The following TERT variants were observed in gnomAD, a reference collection of about 807,000 sequenced individuals.
TERT encodes telomerase catalytic subunit.
Under a neutral mutation model 104.0 loss-of-function variants are expected in TERT, and 42 were observed. The ratio of observed to expected loss-of-function variants is 0.40; its 90% CI spans 0.32 to 0.52. TERT has a LOEUF of 0.52. Ranked by LOEUF, TERT falls within the 20% of genes least tolerant of loss-of-function variation. The probability of loss-of-function intolerance (pLI) is 0.43; values close to 1 mark genes in which losing one functional copy is unlikely to be tolerated. For synonymous variants in TERT, 781 were observed against 725.6 expected, an observed-to-expected ratio of 1.08 and a Z score of -1.23; for missense variants, 1,101 against 1,610.3, an observed-to-expected ratio of 0.68 and a Z score of 5.41.
In TERT at chr5:1,288,017, C is replaced by T. The variant is rs1750600232; in HGVS notation, c.1573+5296G>A. ...TAAAATGATAACTTAAAATACTCTACGTATCTTGATACTCTACATATCTTG... is the reference window on the plus strand; with the variant it reads ...TAAAATGATAACTTAAAATACTCTATGTATCTTGATACTCTACATATCTTG... On this transcript the variant is annotated intron_variant, in intron 2 of 15. Transcript: ENST00000310581. The surrounding 1 kb of genome is among the most constrained non-coding windows in gnomAD (Gnocchi z 5.3). Among the ~76,000 whole-genome samples, 1 of 152,226 alleles carries T rather than the reference C, an allele frequency of 6.6e-6. No homozygotes were observed. Among genetic ancestry groups the T allele is most frequent in the Non-Finnish European group, 1.5e-5 (1 of 68,022 alleles).
chr5:1,255,209 C>T lies in TERT; in HGVS notation c.3157+78G>A. ...AAAAGGGGTAAGAACTTCCTAAGCC[C>T]AGATTCACTCAGTCTCCTGACACAC... On this transcript the variant is annotated intron_variant, in intron 14 of 15. Transcript: ENST00000310581. This position sits in a 1 kb window ranked among gnomAD's most constrained non-coding sequence, Gnocchi z 6.9. The T allele has an allele frequency of 6.4e-7, 1 of 1,574,076 alleles. No individual in the cohort carries two copies. The highest frequency in any genetic ancestry group is 8.7e-7 in the Non-Finnish European group (1 of 1,155,884).
rs1749789535 is a variant in TERT, at chr5:1,278,716, G to A, written c.2211C>T (p.Asn737=). 4 of 1,614,178 alleles carry A rather than the reference G, an allele frequency of 2.5e-6. No individual in the cohort carries two copies. In the African/African-American group the frequency reaches 4.0e-5, roughly 16 times the overall value. ...CGGCATACCGACGCACGCAGTACGT[G>A]TTCTGGGGTTTGATGATGCTGGCGA... ...EVIASIIKPQ[N]TYCVRRYAVV... is the part of the protein sequence containing the mutation. The change falls in exon 6 of 16, where the codon AAC becomes AAT. Residue 737 remains asparagine, a synonymous_variant. Transcript: ENST00000310581.
chr5:1,260,399 C>G, intron 12 of TERT, 75 bp downstream of exon 12: 1 of 1,604,534 alleles, frequency 6.2e-7, no homozygotes, highest in South Asian at 1.1e-5. Context: ...CAGGCACGCG[C>G]GCACACACAC....
Position 1,287,703 on chromosome 5 carries a change from C to G in TERT, c.1574-5079G>C, listed in dbSNP as rs1275677375. Among the ~76,000 whole-genome samples, 2 of 151,934 alleles carry G rather than the reference C, an allele frequency of 1.3e-5. No individual in the cohort carries two copies. Among genetic ancestry groups the G allele is most frequent in the African/African-American group, 4.8e-5 (2 of 41,344 alleles). On this transcript the variant is annotated intron_variant, in intron 2 of 15. Transcript: ENST00000310581. This position sits in a 1 kb window ranked among gnomAD's most constrained non-coding sequence, Gnocchi z 4.3. ...TACCACGTGCATGCACCTAACAATG[C>G]CTCACATAAATGCTACCAAACGAGA... is the stretch of plus-strand genomic sequence containing the variant.
rs1750578029 is a variant in TERT at position 1,287,637 on chromosome 5, G to T, written c.1574-5013C>A. On this transcript the variant is annotated intron_variant, in intron 2 of 15. Coordinates refer to ENST00000310581, the MANE Select transcript of TERT (RefSeq NM_198253.3). This position sits in a 1 kb window ranked among gnomAD's most constrained non-coding sequence, Gnocchi z 4.3. ...GAATTACTAGATTACTAGAGACATAGAAGTCTCCAAAAGATTCACTCATCA... is the reference window on the plus strand; with the variant it reads ...GAATTACTAGATTACTAGAGACATATAAGTCTCCAAAAGATTCACTCATCA... Among the ~76,000 whole-genome samples the T allele has an allele frequency of 6.6e-6, 1 of 151,756 alleles. No individual in the cohort carries two copies. The highest frequency in any genetic ancestry group is 2.1e-4 in the South Asian group (1 of 4,796).
rs913797785 is a variant in TERT, at chr5:1,293,957, G to A, written c.929C>T (p.Thr310Ile). ...GTCCCAGGGACGTGGTGGCCGCGAT[G>A]TGGATGGGGGGCCCGCGTGGTGCTG... ...GRQHHAGPPS[T>I]SRPPRPWDTP... The change falls in exon 2 of 16, where the codon ACA (threonine) becomes ATA (isoleucine). Residue 310 changes from threonine to isoleucine, a missense_variant. By Grantham distance (89) the Thr-to-Ile change is moderately conservative. This residue lies in a region of TERT where 504 missense variants were observed against 544.6 expected (regional missense o/e 0.93). Transcript: ENST00000310581. 2.6e-6 allele frequency: 4 copies of A among 1,553,524 alleles called. No individual in the cohort carries two copies. The South Asian group carries it at 4.7e-5, about 18-fold the overall frequency.
Position 1,258,641 on chromosome 5 carries a change from C to A in TERT, c.2989G>T (p.Val997Leu). ...AGGATCTTGTAGATGTTGGTGCACA[C>A]CGTCTGGAGGCTGTTCACCTAGAGT... Reference protein sequence around the residue: ...LDLQVNSLQTVCTNIYKILLL... With the variant: ...LDLQVNSLQTLCTNIYKILLL... The change falls in exon 13 of 16, where the codon GTG (valine) becomes TTG (leucine). Residue 997 changes from valine (V) to leucine (L), a missense_variant. This residue lies in a region of TERT where 463 missense variants were observed against 797.5 expected (regional missense o/e 0.58). Coordinates refer to ENST00000310581, the MANE Select transcript of TERT (RefSeq NM_198253.3). 6.4e-7 allele frequency: 1 copy of A among 1,570,992 alleles called. No homozygotes were observed. The highest frequency in any genetic ancestry group is 2.3e-5 in the East Asian group (1 of 42,940).
At position 1,294,952 on chromosome 5, in the gene TERT, A is replaced by AGGGAGCGCACGGCTCGGCAGCG; in HGVS notation, c.16_37dup (p.Leu13ProfsTer186). On this transcript the variant is annotated frameshift_variant, in exon 1 of 16. Coordinates refer to ENST00000310581, the MANE Select transcript of TERT (RefSeq NM_198253.3). LOFTEE classifies it high-confidence loss of function. Reference sequence around the variant, plus strand: ...CACCTCGCGGTAGTGGCTGCGCAGCAGGGAGCGCACGGCTCGGCAGCGGGG... The same window carrying AGGGAGCGCACGGCTCGGCAGCG: ...CACCTCGCGGTAGTGGCTGCGCAGCAGGGAGCGCACGGCTCGGCAGCGGGGAGCGCACGGCTCGGCAGCGGGG... 7.2e-7 allele frequency: 1 copy of AGGGAGCGCACGGCTCGGCAGCG among 1,390,276 alleles called. No homozygotes were observed. Among genetic ancestry groups the AGGGAGCGCACGGCTCGGCAGCG allele is most frequent in the Non-Finnish European group, 9.3e-7 (1 of 1,077,900 alleles). The allele number at this position is 1,390,276 out of a possible 1,614,324, so 86.1% of individuals were successfully genotyped here. A position where few individuals can be genotyped will look rare whatever the true frequency, so the allele number is the denominator to read the frequency against.
Position 1,264,496 on chromosome 5 carries a change from C to A in TERT, c.2751G>T (p.Thr917=), listed in dbSNP as rs375200599. The part of the protein sequence containing the change: ...FPVEDEALGG[T]AFVQMPAHGL... ...CGTGGGCCGGCATCTGAACAAAAGC[C>A]GTGCCACCCAGGGCCTCGTCTTCTA... The change falls in exon 11 of 16, where the codon ACG becomes ACT. Residue 917 remains threonine, a synonymous_variant. Transcript: ENST00000310581. 1 of 1,613,844 alleles carries A rather than the reference C, an allele frequency of 6.2e-7. No homozygotes were observed. Among genetic ancestry groups the A allele is most frequent in the Non-Finnish European group, 8.5e-7 (1 of 1,180,042 alleles).
intron 6 of TERT, among the ~76,000 whole-genome samples, chr5:1,276,997 G>C (rs1367327996): frequency 6.6e-6 from 1 of 152,208 alleles, no homozygotes; most frequent in African/African-American, 2.4e-5. Context: ...AACACACAAA[G>C]AGCTCCTGCA....
At chr5:1,293,201 T>C (rs757727480) in intron 2 of TERT, 112 bp downstream of exon 2, 12 of 1,342,676 alleles carry the variant, frequency 8.9e-6, no homozygotes, top group Non-Finnish European at 1.2e-5. Context: ...AAGCCACGTG[T>C]GCCCACGTGA....
intron 11 of TERT, chr5:1,264,182 C>G (rs1165450811): frequency 1.5e-5 from 9 of 590,916 alleles, no homozygotes; most frequent in Admixed American, 5.8e-5. Flanking sequence ...TTTCCTTTTA[C>G]CAAAATAGCA....
intron 5 of TERT, 84 bp from the exon 6 acceptor site, chr5:1,278,880 T>C (rs947777946): frequency 1.9e-6 from 3 of 1,576,830 alleles, no homozygotes; most frequent in Non-Finnish European, 2.6e-6. Flanking sequence ...GGCCTGGCGG[T>C]GTCCCCCACT....
intron 3 of TERT, among the ~76,000 whole-genome samples, chr5:1,281,678 C>A (rs1163923817): frequency 1.3e-5 from 2 of 152,214 alleles, no homozygotes; most frequent in African/African-American, 4.8e-5. Flanking sequence ...ACTCTCCTAT[C>A]CCCAGGTGCT....
In TERT at chr5:1,268,056, G is replaced by A. The variant is rs569961097; in HGVS notation, c.2582+464C>T. On this transcript the variant is annotated intron_variant, in intron 9 of 15. Coordinates refer to ENST00000310581, the MANE Select transcript of TERT (RefSeq NM_198253.3). This position sits in a 1 kb window ranked among gnomAD's most constrained non-coding sequence, Gnocchi z 5.5. Reference sequence around the variant, plus strand: ...CATTAGGTTGGCACGATATTTAGGTGTGTGCGTCCTTGGGTGTAGACCCCA... The same window carrying A: ...CATTAGGTTGGCACGATATTTAGGTATGTGCGTCCTTGGGTGTAGACCCCA... Among the ~76,000 whole-genome samples the A allele has an allele frequency of 1.8e-4, 28 of 152,226 alleles. No individual in the cohort carries two copies. The highest frequency in any genetic ancestry group is 3.4e-4 in the Non-Finnish European group (23 of 68,042).
chr5:1,283,640 C>T (rs72709458), intron 2 of TERT, among the ~76,000 whole-genome samples: 25,288 of 139,814 alleles, frequency 0.18, 1,750 homozygotes, highest in Middle Eastern at 0.29. Context: ...CAGCTCACAG[C>T]AGGGCCTGGC....
chr5:1,293,837 A>C lies in TERT; in HGVS notation c.1049T>G (p.Leu350Arg). Residue 350 changes from leucine to arginine, a missense_variant, in exon 2 of 16, where the codon CTG becomes CGG. Around this residue, in one of 5 missense-constraint regions of TERT, gnomAD observed 504 missense variants for 544.6 expected, o/e 0.93. Transcript: ENST00000310581. ...QLRPSFLLSSLRPSLTGARRL... is the reference protein window; with the variant it reads ...QLRPSFLLSSRRPSLTGARRL... ...CCGAGCGCCAGTCAGGCTGGGCCTC[A>C]GAGAGCTGAGTAGGAAGGAGGGCCG... The C allele has an allele frequency of 6.5e-7, 1 of 1,548,876 alleles. No individual in the cohort carries two copies. Among genetic ancestry groups the C allele is most frequent in the African/African-American group, 1.4e-5 (1 of 73,188 alleles).
intron 2 of TERT, among the ~76,000 whole-genome samples, chr5:1,283,334 G>A: frequency 8.0e-6 from 1 of 124,268 alleles, no homozygotes; most frequent in Non-Finnish European, 1.7e-5. Context: ...CCAGCTCACT[G>A]CAGGGCCTGG....
At position 1,257,716 on chromosome 5, in the gene TERT, T is replaced by C. The variant is rs1008619722; in HGVS notation, c.3032+882A>G. Reference sequence around the variant, plus strand: ...ATGGTACGACCTTGTAATGGAAAACTCTCCCGTGAGCCCTTGCTGGGTTTC... The same window carrying C: ...ATGGTACGACCTTGTAATGGAAAACCCTCCCGTGAGCCCTTGCTGGGTTTC... On this transcript the variant is annotated intron_variant, in intron 13 of 15. Coordinates refer to ENST00000310581, the MANE Select transcript of TERT (RefSeq NM_198253.3). This position sits in a 1 kb window ranked among gnomAD's most constrained non-coding sequence, Gnocchi z 5.6. 8.5e-5 allele frequency among the ~76,000 whole-genome samples: 13 copies of C among 152,154 alleles called. No individual in the cohort carries two copies. Among genetic ancestry groups the C allele is most frequent in the African/African-American group, 3.1e-4 (13 of 41,434 alleles).
Sources: allele counts gnomAD v4.1 joint callset (sites outside exome capture counted in the v4.1 genomes callset), GRCh38; gene constraint gnomAD v4.1.1; regional missense constraint gnomAD v4.1.1; non-coding constraint Gnocchi (gnomAD v3.1); transcripts MANE v1.5; gene names NCBI Gene and HGNC (gene_info 2026-07-23, HGNC 2026-07-21).